Variants in CHSY3 observed in about 807,000 individuals in gnomAD.
CHSY3 encodes the protein chondroitin sulfate synthase 3.
A neutral mutation model predicts 67.2 loss-of-function variants in CHSY3; 35 were observed. The observed-to-expected ratio is 0.52, with a 90% CI of 0.40 to 0.69. CHSY3 has a LOEUF of 0.69. CHSY3 is among the 30% of genes least tolerant of loss of function. The probability of loss-of-function intolerance (pLI) is 0.00; values close to 1 mark genes in which losing one functional copy is unlikely to be tolerated. For synonymous variants in CHSY3, 474 were observed against 434.7 expected (o/e 1.09, Z -1.12); for missense variants, 1,069 against 1,138.5 (o/e 0.94, Z 0.88).
At chr5:130,060,423 C>G (rs1201387825) in intron 2 of CHSY3, among the ~76,000 whole-genome samples, 3 of 152,016 alleles carry the variant, frequency 2.0e-5, no homozygotes, top group African/African-American at 2.4e-5. Context: ...CCCTAGATAA[C>G]AAAGGCCACA....
At chr5:129,915,843 A>T (rs1262356822) in intron 2 of CHSY3, among the ~76,000 whole-genome samples, 1 of 152,192 alleles carries the variant, frequency 6.6e-6, no homozygotes, top group Admixed American at 6.5e-5. Context: ...TTTTCCTGGC[A>T]TGAAAGAGAA....
intron 2 of CHSY3, among the ~76,000 whole-genome samples, chr5:130,110,343 A>C (rs1304363363): frequency 6.6e-6 from 1 of 152,016 alleles, no homozygotes; most frequent in Non-Finnish European, 1.5e-5. Flanking sequence ...AGCTAAATGT[A>C]TTAAGAAATA....
intron 2 of CHSY3, among the ~76,000 whole-genome samples, chr5:130,139,661 T>C (rs375061389): frequency 6.6e-6 from 1 of 152,180 alleles, no homozygotes; most frequent in African/African-American, 2.4e-5. Flanking sequence ...TATTCTACCT[T>C]TAAAATATGG....
chr5:130,078,850 G>C (rs1348390180), intron 2 of CHSY3, among the ~76,000 whole-genome samples: 1 of 152,146 alleles, frequency 6.6e-6, no homozygotes, highest in Non-Finnish European at 1.5e-5. Context: ...GCCTATTGGA[G>C]AGGCTGTGAA....
chr5:129,924,025 GTTTAA>G (rs1015817714), intron 2 of CHSY3, among the ~76,000 whole-genome samples: 83 of 152,166 alleles, frequency 5.5e-4, no homozygotes, highest in African/African-American at 1.5e-3. Flanking sequence ...GAATTAAAAA[GTTTAA>G]TTTAAGATTT....
chr5:130,173,470 C>A (rs1426255586), intron 2 of CHSY3, among the ~76,000 whole-genome samples: 1 of 152,052 alleles, frequency 6.6e-6, no homozygotes, highest in Non-Finnish European at 1.5e-5. Flanking sequence ...CTTAGTTTTG[C>A]AAGTACTCTG....
chr5:130,064,242 A>T (rs1765807771), intron 2 of CHSY3, among the ~76,000 whole-genome samples: 1 of 152,124 alleles, frequency 6.6e-6, no homozygotes, highest in South Asian at 2.1e-4. Flanking sequence ...TATTTTAGGT[A>T]CATACTCTAT....
At chr5:130,016,140 C>G (rs144872071) in intron 2 of CHSY3, among the ~76,000 whole-genome samples, 1 of 152,330 alleles carries the variant, frequency 6.6e-6, no homozygotes, top group Non-Finnish European at 1.5e-5. Context: ...ACTATGGTCT[C>G]TACCTGGTGA....
chr5:130,020,438 TA>T (rs1561500255), intron 2 of CHSY3, among the ~76,000 whole-genome samples: 53 of 4,094 alleles, frequency 0.013, 1 homozygote, highest in African/African-American at 0.033. Context: ...TATATATATA[TA>T]TATATATATA....
intron 2 of CHSY3, among the ~76,000 whole-genome samples, chr5:130,117,362 T>A (rs1355250207): frequency 6.6e-6 from 1 of 152,190 alleles, no homozygotes; most frequent in Non-Finnish European, 1.5e-5. Flanking sequence ...ACCATTTAGT[T>A]TATAGCCAGT....
At chr5:130,183,448 T>A (rs185841738) in intron 2 of CHSY3, among the ~76,000 whole-genome samples, 4 of 152,198 alleles carry the variant, frequency 2.6e-5, no homozygotes, top group Admixed American at 2.6e-4. Context: ...TAAATGAAAT[T>A]TACGACTCCC....
chr5:129,986,145 T>G (rs879857043), intron 2 of CHSY3, among the ~76,000 whole-genome samples: 2 of 152,202 alleles, frequency 1.3e-5, no homozygotes, highest in Admixed American at 1.3e-4. Context: ...CCATTCAGTA[T>G]GCTGTTGGCT....
intron 2 of CHSY3, among the ~76,000 whole-genome samples, chr5:130,143,808 GTGTATATA>G (rs1258460558): frequency 8.8e-5 from 3 of 34,070 alleles, no homozygotes; most frequent in South Asian, 2.9e-3. Context: ...ATATATATGT[GTGTATATA>G]TATATATATA....
intron 2 of CHSY3, among the ~76,000 whole-genome samples, chr5:129,988,811 A>G (rs556540794): frequency 3.0e-4 from 46 of 152,314 alleles, no homozygotes; most frequent in African/African-American, 1.1e-3. Context: ...ATTTTCTAAA[A>G]TGTGATTTTT....
chr5:130,046,641 T>G (rs1040396633), intron 2 of CHSY3, among the ~76,000 whole-genome samples: 15 of 152,066 alleles, frequency 9.9e-5, no homozygotes, highest in African/African-American at 3.4e-4. Context: ...AATTAGAATG[T>G]GCTAATCATC....
At chr5:129,909,420 TG>T (rs938508660) in intron 2 of CHSY3, among the ~76,000 whole-genome samples, 1 of 152,102 alleles carries the variant, frequency 6.6e-6, no homozygotes, top group African/African-American at 2.4e-5. Flanking sequence ...CAGTTTCATT[TG>T]TTTTTTTTGT....
At chr5:130,137,236 C>G (rs1359364626) in intron 2 of CHSY3, among the ~76,000 whole-genome samples, 1 of 152,272 alleles carries the variant, frequency 6.6e-6, no homozygotes, top group African/African-American at 2.4e-5. Flanking sequence ...CTGTCGTTTT[C>G]CATGCTATTT....
At chr5:130,027,295 G>A (rs1764573752) in intron 2 of CHSY3, among the ~76,000 whole-genome samples, 1 of 152,026 alleles carries the variant, frequency 6.6e-6, no homozygotes, top group Non-Finnish European at 1.5e-5. Flanking sequence ...TTTGTAAAAG[G>A]AGAATATAGC....
At chr5:129,997,039 C>T (rs998084397) in intron 2 of CHSY3, among the ~76,000 whole-genome samples, 1 of 151,746 alleles carries the variant, frequency 6.6e-6, no homozygotes, top group African/African-American at 2.4e-5. Context: ...GTTGTTTCTT[C>T]CTCATTTTTG....
Sources: allele counts gnomAD v4.1 joint callset (sites outside exome capture counted in the v4.1 genomes callset), GRCh38; gene constraint gnomAD v4.1.1; transcripts MANE v1.5; gene names NCBI Gene and HGNC (gene_info 2026-07-23, HGNC 2026-07-21).